Variants in AGRN observed in about 807,000 individuals in gnomAD.
AGRN encodes agrin, also known as agrin proteoglycan.
AGRN carries 106 observed loss-of-function variants against 211.0 expected under a neutral mutation model. The ratio of observed to expected loss-of-function variants is 0.50; its 90% confidence interval spans 0.43 to 0.59. The LOEUF is 0.59. Among genes scored for constraint, AGRN ranks in the 20% least tolerant of loss-of-function variants. The pLI is 0.00. For synonymous variants in AGRN, 1,525 were observed against 1,332.5 expected, an observed-to-expected ratio of 1.14 and a Z score of -3.15; for missense variants, 3,040 against 2,982.6, an observed-to-expected ratio of 1.02 and a Z score of -0.45.
At chr1:1,027,726 C>T (rs1644550247) in intron 2 of AGRN, among the ~76,000 whole-genome samples, 1 of 152,170 alleles carries the variant, frequency 6.6e-6, no homozygotes. Flanking sequence ...CCCACCCCTG[C>T]CCAGATGGGA....
rs773398629 is a variant in AGRN, at chr1:1,041,580, G to C, written c.1055G>C (p.Arg352Pro). The C allele has an allele frequency of 1.2e-6, 2 of 1,610,618 alleles. No individual in the cohort carries two copies. Among genetic ancestry groups the C allele is most frequent in the Non-Finnish European group, 1.7e-6 (2 of 1,179,380 alleles). ...MLLRPESCPARQAPVCGDDGV... is the reference protein window; with the variant it reads ...MLLRPESCPAPQAPVCGDDGV... ...CTACGGCCCGAGAGCTGCCCTGCCC[G>C]GCAGGCGCCAGTGTGTGGGGACGAC... Residue 352 changes from arginine (R) to proline (P), a missense_variant, in exon 6 of 36, where the codon CGG (arginine) becomes CCG (proline). By Grantham distance (103) the Arg-to-Pro change is moderately radical (BLOSUM62 -2). Coordinates refer to ENST00000379370, the MANE Select transcript of AGRN (RefSeq NM_198576.4).
At chr1:1,039,441 A>T (rs965242895) in intron 3 of AGRN, among the ~76,000 whole-genome samples, 1 of 151,320 alleles carries the variant, frequency 6.6e-6, no homozygotes, top group Non-Finnish European at 1.5e-5. Context: ...CCATTTCACG[A>T]GCCTGCTGGG....
Position 1,020,164 on chromosome 1 carries a change from G to A in AGRN, c.-9G>A. ...CCCGCGCGCTCCTCCGCCGCCTCTC[G>A]CCTGCGCCATGGCCGGCCGGTCCCA... On this transcript the variant is annotated 5_prime_UTR_variant, in exon 1 of 36. Coordinates refer to ENST00000379370, the MANE Select transcript of AGRN (RefSeq NM_198576.4). 7.8e-7 allele frequency: 1 copy of A among 1,284,804 alleles called. No individual in the cohort carries two copies. The highest frequency in any genetic ancestry group is 9.9e-7 in the Non-Finnish European group (1 of 1,009,494). 79.6% of individuals were successfully genotyped at this position (1,284,804 alleles called of 1,614,324 possible). A position where few individuals can be genotyped will look rare whatever the true frequency, so the allele number is the denominator to read the frequency against.
chr1:1,049,753 G>T lies in AGRN; in HGVS notation c.4702G>T (p.Glu1568Ter). The T allele has an allele frequency of 6.3e-7, 1 of 1,580,922 alleles. No individual in the cohort carries two copies. ...CHGGAPCQNL[E>*]AGRFHCQCPP... ...TGGCGGGGCCCCATGCCAGAACCTG[G>T]AGGCTGGAAGGTTCCATTGCCAGTG... The change falls in exon 26 of 36, where the codon GAG becomes TAG. Residue 1568 changes from glutamate (E) to a stop codon, truncating the protein, a stop_gained. Coordinates refer to ENST00000379370, the MANE Select transcript of AGRN (RefSeq NM_198576.4). LOFTEE classifies it high-confidence loss of function.
At chr1:1,036,307 G>T (rs116375407) in intron 3 of AGRN, among the ~76,000 whole-genome samples, 1 of 152,154 alleles carries the variant, frequency 6.6e-6, no homozygotes, top group African/African-American at 2.4e-5. Context: ...TGTGATGCCC[G>T]CCTGTGCTGA....
intron 31 of AGRN, 36 bp from the exon 32 acceptor site, chr1:1,051,417 T>C: frequency 6.5e-7 from 1 of 1,539,596 alleles, no homozygotes; most frequent in Non-Finnish European, 8.7e-7. Flanking sequence ...GCGGGCGGGG[T>C]GGCAGGCGGG....
Position 1,047,809 on chromosome 1 carries a change from C to T in AGRN, c.3665C>T (p.Ala1222Val). Residue 1222 changes from alanine (A) to valine (V), a missense_variant, in exon 22 of 36, where the codon GCC becomes GTC. Ala to Val is a moderately conservative substitution (Grantham distance 64, BLOSUM62 0). Around this residue, in one of 3 missense-constraint regions of AGRN, gnomAD observed 1,537 missense variants for 1,505.0 expected, o/e 1.02. Transcript: ENST00000379370. Reference sequence around the variant, plus strand: ...TTCAGGGCACCCGACGTGGCCCGGGCCCTGCTCCGGCAGATCCAGGTGTCC... The same window carrying T: ...TTCAGGGCACCCGACGTGGCCCGGGTCCTGCTCCGGCAGATCCAGGTGTCC... ...TAFRAPDVAR[A>V]LLRQIQVSRR... The T allele has an allele frequency of 6.2e-7, 1 of 1,603,516 alleles. No homozygotes were observed. Among genetic ancestry groups the T allele is most frequent in the Non-Finnish European group, 8.5e-7 (1 of 1,175,686 alleles).
rs1046224954 is a variant in AGRN, at chr1:1,050,341, A to G, written c.4976+12A>G. 6.2e-7 allele frequency: 1 copy of G among 1,612,624 alleles called. No homozygotes were observed. The highest frequency in any genetic ancestry group is 1.3e-5 in the African/African-American group (1 of 74,766). Reference sequence around the variant, plus strand: ...GCACGGGACCTGGGGTCGGTGGGGCAGGAGCAGGGGGAAGGGCCGGCCCCC... The same window carrying G: ...GCACGGGACCTGGGGTCGGTGGGGCGGGAGCAGGGGGAAGGGCCGGCCCCC... On this transcript the variant is annotated intron_variant, in intron 28 of 35. Coordinates refer to ENST00000379370, the MANE Select transcript of AGRN (RefSeq NM_198576.4).
intron 2 of AGRN, among the ~76,000 whole-genome samples, chr1:1,026,542 G>T (rs1362733691): frequency 6.6e-5 from 10 of 152,164 alleles, no homozygotes; most frequent in African/African-American, 1.2e-4. Context: ...AACTGCAGAA[G>T]CAGACGCCCC....
At chr1:1,034,443 T>A (rs1644751631) in intron 2 of AGRN, 1 of 985,538 alleles carries the variant, frequency 1.0e-6, no homozygotes, top group Non-Finnish European at 1.2e-6. Context: ...ACAGCTGCTG[T>A]CCGCCGCCCC....
Position 1,047,893 on chromosome 1 carries a change from T to G in AGRN, c.3749T>G (p.Phe1250Cys). ...PLQEHVRFMD[F>C]DWFPAFITGA... is the part of the protein sequence containing the mutation. ...CAGGAGCACGTGCGATTTATGGACTTTGGTGAGCGCCAGGCCACGAGCCAC... is the reference window on the plus strand; with the variant it reads ...CAGGAGCACGTGCGATTTATGGACTGTGGTGAGCGCCAGGCCACGAGCCAC... The change falls in exon 22 of 36, where the codon TTT (phenylalanine) becomes TGT (cysteine). Residue 1250 changes from phenylalanine to cysteine, a missense_variant and splice_region_variant. This residue lies in a region of AGRN where 1,537 missense variants were observed against 1,505.0 expected (regional missense o/e 1.02). Transcript: ENST00000379370. 1.2e-6 allele frequency: 2 copies of G among 1,604,296 alleles called. No homozygotes were observed. The highest frequency in any genetic ancestry group is 1.7e-6 in the Non-Finnish European group (2 of 1,176,588).
chr1:1,047,264 T>C, intron 19 of AGRN, 63 bp from the exon 20 acceptor site: 1 of 1,542,690 alleles, frequency 6.5e-7, no homozygotes, highest in East Asian at 2.3e-5. Flanking sequence ...CTGGGGCCTG[T>C]GCCTGGGCCA....
chr1:1,049,196 G>C lies in AGRN; in HGVS notation c.4299-40G>C, dbSNP rs780662645. 12 of 1,500,958 alleles carry C rather than the reference G, an allele frequency of 8.0e-6. No individual in the cohort carries two copies. In the South Asian group the frequency reaches 1.5e-4, roughly 19 times the overall value. 93.0% of individuals were successfully genotyped at this position (1,500,958 alleles called of 1,614,324 possible). On this transcript the variant is annotated intron_variant, in intron 24 of 35. Transcript: ENST00000379370. Reference sequence around the variant, plus strand: ...AGCTCAGGTAGGCGGGGTGGGGACGGGGCCGGGCGATGGTCCTGAGCACCT... The same window carrying C: ...AGCTCAGGTAGGCGGGGTGGGGACGCGGCCGGGCGATGGTCCTGAGCACCT...
intron 22 of AGRN, 49 bp downstream of exon 22, chr1:1,047,944 ATGCCCC>A: frequency 6.3e-7 from 1 of 1,589,412 alleles, no homozygotes; most frequent in Non-Finnish European, 8.6e-7. Context: ...TCCTCTGCCC[ATGCCCC>A]TGCCCCTCAC....
intron 1 of AGRN, among the ~76,000 whole-genome samples, chr1:1,021,083 G>C (rs570502179): frequency 5.3e-5 from 8 of 152,266 alleles, no homozygotes; most frequent in African/African-American, 1.9e-4. Flanking sequence ...GCCGGCGCCC[G>C]TGTACCCCCA....
chr1:1,046,667 G>A lies in AGRN; in HGVS notation c.3182G>A (p.Gly1061Asp). The A allele has an allele frequency of 2.5e-6, 4 of 1,592,600 alleles. No individual in the cohort carries two copies. The highest frequency in any genetic ancestry group is 3.4e-6 in the Non-Finnish European group (4 of 1,175,416). ...GTGGCGTCCGCCTTTGGTGAATCTG[G>A]CAGCACTGATGGAAGCAGCGATGAG... Reference protein sequence around the residue: ...SLVASAFGESGSTDGSSDEEL... With the variant: ...SLVASAFGESDSTDGSSDEEL... Residue 1061 changes from glycine (G) to aspartate (D), a missense_variant, in exon 18 of 36, where the codon GGC becomes GAC. Transcript: ENST00000379370.
intron 19 of AGRN, 56 bp downstream of exon 19, chr1:1,047,013 G>A: frequency 6.4e-7 from 1 of 1,550,394 alleles, no homozygotes. Context: ...CGGCCGAGGT[G>A]CTGCCCCCTC....
chr1:1,023,587 G>A (rs1397274600), intron 2 of AGRN, among the ~76,000 whole-genome samples: 3 of 152,172 alleles, frequency 2.0e-5, no homozygotes, highest in African/African-American at 7.2e-5. Flanking sequence ...GCTGAGGAGG[G>A]GCTGGAGAAG....
At chr1:1,050,401 G>C (rs762215249) in intron 28 of AGRN, 26 bp from the exon 29 acceptor site, 2 of 1,612,758 alleles carry the variant, frequency 1.2e-6, no homozygotes, top group South Asian at 2.2e-5. Context: ...GGACAGCAAA[G>C]ACACCCCGAC....
Sources: allele counts gnomAD v4.1 joint callset (sites outside exome capture counted in the v4.1 genomes callset), GRCh38; gene constraint gnomAD v4.1.1; regional missense constraint gnomAD v4.1.1; transcripts MANE v1.5; gene names NCBI Gene and HGNC (gene_info 2026-07-23, HGNC 2026-07-21).